Variants in FAT2 observed in about 807,000 individuals in gnomAD.
FAT2 encodes FAT atypical cadherin 2.
A neutral mutation model predicts 295.3 loss-of-function variants in FAT2; 150 were observed. The observed-to-expected ratio is 0.51, with a 90% CI of 0.44 to 0.58. The LOEUF is 0.58. FAT2 is among the 20% of genes least tolerant of loss of function. FAT2 has a pLI of 0.00. For missense variants in FAT2, 4,868 were observed against 5,442.7 expected (o/e 0.89, Z 3.32); for synonymous variants, 2,026 against 2,150.3 (o/e 0.94, Z 1.60).
chr5:151,549,710 T>C (rs931432530), intron 8 of FAT2, among the ~76,000 whole-genome samples: 1 of 152,180 alleles, frequency 6.6e-6, no homozygotes, highest in African/African-American at 2.4e-5. Flanking sequence ...TAGGCTCAGC[T>C]GTTTTAATGG....
In FAT2 at chr5:151,565,792, G is replaced by A. The variant is rs373313720; in HGVS notation, c.3140C>T (p.Ser1047Leu). 2.7e-5 allele frequency: 44 copies of A among 1,613,968 alleles called. No homozygotes were observed. The highest frequency in any genetic ancestry group is 1.6e-4 in the Middle Eastern group (1 of 6,084). The change falls in exon 2 of 24, where the codon TCG (serine) becomes TTG (leucine). Residue 1047 changes from serine (S) to leucine (L), a missense_variant. By Grantham distance (145) the Ser-to-Leu change is moderately radical (BLOSUM62 -2). Around this residue, in one of 5 missense-constraint regions of FAT2, gnomAD observed 3,297 missense variants for 3,669.4 expected, o/e 0.90. Coordinates refer to ENST00000261800, the MANE Select transcript of FAT2 (RefSeq NM_001447.3). Reference sequence around the variant, plus strand: ...AGCCACTACAATCACCTGAGTTCCCGAGGGGCTGTTCTCCTGCACCTGGCC... The same window carrying A: ...AGCCACTACAATCACCTGAGTTCCCAAGGGGCTGTTCTCCTGCACCTGGCC... ...HQGQVQENSPSGTQVIVVAAQ... is the reference protein window; with the variant it reads ...HQGQVQENSPLGTQVIVVAAQ...
At chr5:151,562,215 C>T (rs1339468807) in intron 3 of FAT2, among the ~76,000 whole-genome samples, 1 of 152,160 alleles carries the variant, frequency 6.6e-6, no homozygotes, top group Non-Finnish European at 1.5e-5. Flanking sequence ...CTCCTGGTTA[C>T]CTTTTGTCTT....
At chr5:151,513,532 G>A (rs889951436) in intron 20 of FAT2, among the ~76,000 whole-genome samples, 3 of 152,164 alleles carry the variant, frequency 2.0e-5, no homozygotes, top group Non-Finnish European at 4.4e-5. Context: ...TTACAAGTGG[G>A]AACTAAATGC....
Position 151,505,622 on chromosome 5 carries a change from A to ATAG in FAT2, c.12990_12992dup (p.Tyr4331dup). The ATAG allele has an allele frequency of 2.5e-6, 4 of 1,614,136 alleles. No individual in the cohort carries two copies. The highest frequency in any genetic ancestry group is 2.5e-6 in the Non-Finnish European group (3 of 1,180,016). ...CACTCTCCACCATGTCAGAGCCCTC[A>ATAG]TAGTTGGGGGGCACCCGGGGCTGGC... On this transcript the variant is annotated inframe_insertion, in exon 24 of 24. Coordinates refer to ENST00000261800, the MANE Select transcript of FAT2 (RefSeq NM_001447.3).
In FAT2 at chr5:151,537,277, TGGA is replaced by T. The variant is rs1296981376; in HGVS notation, c.9193+513_9193+515del. ...AATAATAAGAAGACGATGGTGGTGG[TGGA>T]GGAGGAGGAGGAGGAGGGAGAGAGG... On this transcript the variant is annotated intron_variant, in intron 12 of 23. Transcript: ENST00000261800. Among the ~76,000 whole-genome samples the T allele has an allele frequency of 2.0e-3, 261 of 132,818 alleles. 4 individuals carry two copies. In the Middle Eastern group the frequency reaches 0.044, roughly 22 times the overall value. The allele number at this position is 132,818 out of a possible 152,430, so 87.1% of individuals were successfully genotyped here. A position where few individuals can be genotyped will look rare whatever the true frequency, so the allele number is the denominator to read the frequency against.
chr5:151,567,949 C>A lies in FAT2; in HGVS notation c.983G>T (p.Gly328Val), dbSNP rs1260934415. The A allele has an allele frequency of 5.0e-6, 8 of 1,614,066 alleles. No individual in the cohort carries two copies. Among genetic ancestry groups the A allele is most frequent in the Non-Finnish European group, 6.8e-6 (8 of 1,180,044 alleles). The change falls in exon 2 of 24, where the codon GGG becomes GTG. Residue 328 changes from glycine to valine, a missense_variant. Gly to Val is a moderately radical substitution (Grantham distance 109). Around this residue, in one of 5 missense-constraint regions of FAT2, gnomAD observed 3,297 missense variants for 3,669.4 expected, o/e 0.90. Coordinates refer to ENST00000261800, the MANE Select transcript of FAT2 (RefSeq NM_001447.3). ...KDINWMEYLH[G>V]FNLSLQARSG... ...CCTGGCCTGGAGGCTGAGGTTGAAC[C>A]CATGAAGGTACTCCATCCAGTTGAT...
chr5:151,554,214 G>A, intron 5 of FAT2, 148 bp downstream of exon 5: 1 of 722,322 alleles, frequency 1.4e-6, no homozygotes, highest in Non-Finnish European at 2.2e-6. Flanking sequence ...GGCTGAAGCT[G>A]AGACTCCCAG....
At position 151,534,559 on chromosome 5, in the gene FAT2, G is replaced by A; in HGVS notation, c.9277C>T (p.Arg3093Ter). The A allele has an allele frequency of 1.9e-6, 3 of 1,614,022 alleles. No homozygotes were observed. The highest frequency in any genetic ancestry group is 2.5e-6 in the Non-Finnish European group (3 of 1,179,992). Reference sequence around the variant, plus strand: ...AGGGTGATGTCTGCCTGGCACGATCGGCCACCTCCATCCGTCGCCTTGGCA... The same window carrying A: ...AGGGTGATGTCTGCCTGGCACGATCAGCCACCTCCATCCGTCGCCTTGGCA... ...LVAKATDGGGRSCQADITLHV... is the reference protein window; with the variant it reads ...LVAKATDGGG The change falls in exon 13 of 24, where the codon CGA (arginine) becomes TGA (stop). Residue 3093 changes from arginine (R) to a stop codon, truncating the protein, a stop_gained. Transcript: ENST00000261800. LOFTEE classifies it high-confidence loss of function.
At chr5:151,530,556 A>G (rs1021715603) in intron 14 of FAT2, among the ~76,000 whole-genome samples, 3 of 152,254 alleles carry the variant, frequency 2.0e-5, no homozygotes, top group Non-Finnish European at 4.4e-5. Flanking sequence ...GACACTTAAA[A>G]TCTTGCATAT....
intron 5 of FAT2, 89 bp downstream of exon 5, chr5:151,554,273 G>T: frequency 1.7e-6 from 2 of 1,210,218 alleles, no homozygotes; most frequent in Non-Finnish European, 2.3e-6. Context: ...CCTTATGCTG[G>T]TGGGCTGTCT....
chr5:151,574,658 C>T (rs933289201), intron 1 of FAT2, among the ~76,000 whole-genome samples: 15 of 152,202 alleles, frequency 9.9e-5, no homozygotes, highest in Non-Finnish European at 1.8e-4. Context: ...AAGGGATTTT[C>T]GCATTCAAGT....
intron 20 of FAT2, among the ~76,000 whole-genome samples, chr5:151,514,201 A>C (rs1333112880): frequency 1.3e-5 from 2 of 152,250 alleles, no homozygotes; most frequent in Admixed American, 1.3e-4. Flanking sequence ...GGTAAATAGA[A>C]AACCAACACA....
intron 3 of FAT2, among the ~76,000 whole-genome samples, chr5:151,558,128 A>G (rs964652105): frequency 6.6e-6 from 1 of 152,246 alleles, no homozygotes; most frequent in Non-Finnish European, 1.5e-5. Flanking sequence ...TTCTAAGGAA[A>G]TCAGTGCATA....
intron 15 of FAT2, among the ~76,000 whole-genome samples, chr5:151,528,875 C>G (rs935784335): frequency 1.3e-5 from 2 of 152,212 alleles, no homozygotes; most frequent in African/African-American, 4.8e-5. Context: ...GAGCCTCTGG[C>G]AGTCCTCTGG....
At chr5:151,523,339 TATG>T (rs2127581780) in intron 18 of FAT2, among the ~76,000 whole-genome samples, 1 of 152,324 alleles carries the variant, frequency 6.6e-6, no homozygotes, top group South Asian at 2.1e-4. Flanking sequence ...ATAGATAAAC[TATG>T]ATAATGCTGT....
rs756204535 is a variant in FAT2 at position 151,563,505 on chromosome 5, C to T, written c.3394G>A (p.Asp1132Asn). 24 of 1,614,074 alleles carry T rather than the reference C, an allele frequency of 1.5e-5. No homozygotes were observed. The highest frequency in any genetic ancestry group is 1.9e-5 in the Non-Finnish European group (22 of 1,180,048). The change falls in exon 3 of 24, where the codon GAC becomes AAC. Residue 1132 changes from aspartate to asparagine, a missense_variant. By Grantham distance (23) the Asp-to-Asn change is conservative (BLOSUM62 1). This residue lies in a region of FAT2 where 3,297 missense variants were observed against 3,669.4 expected (regional missense o/e 0.90). Coordinates refer to ENST00000261800, the MANE Select transcript of FAT2 (RefSeq NM_001447.3). ...GCTTGGGACATCTGGGGTGGGTTGT[C>T]ATTGGCATCCGTAACCTCGATGTAG... ...EVYIEVTDAN[D>N]NPPQMSQAVF...
In FAT2 at chr5:151,566,722, AG is replaced by A; in HGVS notation, c.2209del (p.Leu737Ter). ...SVPINTPLAR[L>X]AATDPDAGFN... ...ACCAGCATCAGGGTCAGTGGCTGCT[AG>A]GCGGGCCAAGGGGGTGTTGATAGGG... On this transcript the variant is annotated frameshift_variant, in exon 2 of 24. Coordinates refer to ENST00000261800, the MANE Select transcript of FAT2 (RefSeq NM_001447.3). LOFTEE classifies it high-confidence loss of function. 2 of 1,614,186 alleles carry A rather than the reference AG, an allele frequency of 1.2e-6. No homozygotes were observed.
At chr5:151,581,029 C>T (rs144897060) in intron 1 of FAT2, among the ~76,000 whole-genome samples, 1 of 152,302 alleles carries the variant, frequency 6.6e-6, no homozygotes, top group African/African-American at 2.4e-5. Flanking sequence ...CCACTCCCAA[C>T]CAGGTTCTGC....
upstream of FAT2, among the ~76,000 whole-genome samples, chr5:151,593,194 A>G (rs958044821): frequency 6.6e-6 from 1 of 152,230 alleles, no homozygotes; most frequent in Admixed American, 6.5e-5. Context: ...GCTGATTGCC[A>G]CTCAAGCCTC....
Sources: gnomAD v4.1 joint callset for allele counts (sites outside exome capture counted in the v4.1 genomes callset) on GRCh38, gnomAD v4.1.1 for gene constraint, gnomAD v4.1.1 regional missense constraint, MANE v1.5 for transcripts, NCBI Gene and HGNC (gene_info 2026-07-23, HGNC 2026-07-21) for gene names.